Variants in UBE2F observed in about 807,000 individuals in gnomAD.
The protein encoded by UBE2F is NEDD8-conjugating enzyme UBE2F.
Under a neutral mutation model 29.6 loss-of-function variants are expected in UBE2F, and 5 were observed. The ratio of observed to expected loss-of-function variants is 0.17; its 90% CI spans 0.09 to 0.36. The LOEUF (loss-of-function observed/expected upper bound fraction) is 0.36, where lower values mean the gene tolerates loss of function less well. Among genes scored for constraint, UBE2F ranks in the 10% least tolerant of loss-of-function variants. The pLI, the probability that UBE2F is intolerant of heterozygous loss-of-function variation, is 1.00. For synonymous variants in UBE2F, 66 were observed against 81.8 expected, an observed-to-expected ratio of 0.81 and a Z score of 1.04; for missense variants, 141 against 228.5, an observed-to-expected ratio of 0.62 and a Z score of 2.47.
chr2:237,989,945 C>A (rs1471996674), intron 3 of UBE2F, among the ~76,000 whole-genome samples: 1 of 151,424 alleles, frequency 6.6e-6, no homozygotes, highest in East Asian at 2.0e-4. Flanking sequence ...ATGATGAAAC[C>A]CTGTCTCTAC....
chr2:237,996,535 C>T (rs1464599823), intron 4 of UBE2F, among the ~76,000 whole-genome samples: 5 of 150,598 alleles, frequency 3.3e-5, no homozygotes, highest in South Asian at 2.1e-4. Flanking sequence ...AGTGCAGTGA[C>T]GCAATCTCGG....
chr2:237,983,277 G>C (rs1397225038), intron 2 of UBE2F, among the ~76,000 whole-genome samples: 1 of 152,214 alleles, frequency 6.6e-6, no homozygotes, highest in African/African-American at 2.4e-5. Flanking sequence ...CCCACACTCA[G>C]CTCCGCTGAA....
Position 238,011,482 on chromosome 2 carries a change from C to T in UBE2F, c.215-5084C>T, listed in dbSNP as rs115576719. On this transcript the variant is annotated intron_variant, in intron 4 of 9. Coordinates refer to ENST00000272930, the MANE Select transcript of UBE2F (RefSeq NM_080678.3). ...CTCCCTTCCACTAGAATATACGCTT[C>T]ATAAGGGCGGGAATTATCTCTTGTT... Among the ~76,000 whole-genome samples the T allele has an allele frequency of 8.4e-3, 1,275 of 152,336 alleles. 6 individuals are homozygous for T. Among genetic ancestry groups the T allele is most frequent in the Non-Finnish European group, 0.013 (903 of 68,026 alleles).
chr2:238,012,826 A>T (rs2064069216), intron 4 of UBE2F, among the ~76,000 whole-genome samples: 1 of 152,146 alleles, frequency 6.6e-6, no homozygotes, highest in African/African-American at 2.4e-5. Context: ...GTTGGCTCTC[A>T]AAGGGGTAAT....
At position 237,982,495 on chromosome 2, in the gene UBE2F, A is replaced by G. The variant is rs2063400989; in HGVS notation, c.119-5468A>G. The stretch of plus-strand genomic sequence containing the variant: ...CACAGTCGCTTACCATGCCGTCTGG[A>G]CACATTTCTAAATTCCCGTAGGAAA... On this transcript the variant is annotated intron_variant, in intron 2 of 9. Coordinates refer to ENST00000272930, the MANE Select transcript of UBE2F (RefSeq NM_080678.3). The surrounding 1 kb of genome is among the most constrained non-coding windows in gnomAD (Gnocchi z 4.1). Among the ~76,000 whole-genome samples the G allele has an allele frequency of 6.6e-6, 1 of 152,102 alleles. No individual in the cohort carries two copies.
chr2:237,989,045 C>T (rs937819273), intron 3 of UBE2F, among the ~76,000 whole-genome samples: 2 of 152,184 alleles, frequency 1.3e-5, no homozygotes, highest in Admixed American at 6.5e-5. Context: ...TTCAAAAGAT[C>T]ATTAAAGCCT....
chr2:238,025,453 T>A, intron 6 of UBE2F, 41 bp downstream of exon 6: 1 of 1,554,092 alleles, frequency 6.4e-7, no homozygotes, highest in Non-Finnish European at 8.9e-7. Context: ...TTCGTGAGTG[T>A]CATGTGCAAG....
At chr2:238,039,220 A>C (rs2064787121) in intron 9 of UBE2F, among the ~76,000 whole-genome samples, 1 of 152,234 alleles carries the variant, frequency 6.6e-6, no homozygotes, top group South Asian at 2.1e-4. Context: ...GGGCAGCAAG[A>C]GCGAAACTCC....
At chr2:238,015,110 A>G (rs1258411237) in intron 4 of UBE2F, among the ~76,000 whole-genome samples, 2 of 152,244 alleles carry the variant, frequency 1.3e-5, no homozygotes, top group African/African-American at 4.8e-5. Flanking sequence ...CCATTAAATT[A>G]CTAGAAGAAA....
chr2:238,007,160 C>T (rs549474764), intron 4 of UBE2F, among the ~76,000 whole-genome samples: 36 of 152,052 alleles, frequency 2.4e-4, no homozygotes, highest in Admixed American at 1.3e-4. Context: ...CTTGCTCTAT[C>T]GCCAAGGCTG....
At chr2:238,038,095 C>A (rs2064758412) in intron 9 of UBE2F, among the ~76,000 whole-genome samples, 2 of 152,198 alleles carry the variant, frequency 1.3e-5, no homozygotes, top group Non-Finnish European at 2.9e-5. Flanking sequence ...AAAGAGTGGG[C>A]AGGAGCACCT....
chr2:238,030,852 A>G (rs1416007054), intron 7 of UBE2F, among the ~76,000 whole-genome samples: 3 of 152,206 alleles, frequency 2.0e-5, no homozygotes, highest in Non-Finnish European at 4.4e-5. Flanking sequence ...AGAACCAGAG[A>G]TAGGAGCCCA....
chr2:238,014,262 G>A (rs2064106190), intron 4 of UBE2F, among the ~76,000 whole-genome samples: 1 of 152,310 alleles, frequency 6.6e-6, no homozygotes, highest in Non-Finnish European at 1.5e-5. Context: ...ATTTGGATCA[G>A]GTCTAAAAAC....
intron 2 of UBE2F, among the ~76,000 whole-genome samples, chr2:237,984,996 CAAAA>C (rs55984976): frequency 0.17 from 22,593 of 129,958 alleles, 3,145 homozygotes; most frequent in African/African-American, 0.39. Context: ...TGGAAAAAGG[CAAAA>C]AAAAAAAAAA....
At chr2:238,033,525 C>T (rs1262120074) in intron 8 of UBE2F, among the ~76,000 whole-genome samples, 2 of 152,160 alleles carry the variant, frequency 1.3e-5, no homozygotes, top group African/African-American at 4.8e-5. Context: ...TAGCTGTTGC[C>T]TACAGCAGAG....
intron 5 of UBE2F, among the ~76,000 whole-genome samples, chr2:238,019,523 C>A (rs184279340): frequency 6.6e-6 from 1 of 152,038 alleles, no homozygotes; most frequent in East Asian, 1.9e-4. Context: ...TGTACCACCA[C>A]GCCCAGCTAA....
At chr2:238,033,989 G>A (rs781588740) in intron 8 of UBE2F, among the ~76,000 whole-genome samples, 6 of 152,130 alleles carry the variant, frequency 3.9e-5, no homozygotes, top group Non-Finnish European at 5.9e-5. Flanking sequence ...CCCATATGCC[G>A]TCATTGTCAT....
At chr2:237,978,772 G>T (rs945455574) in intron 2 of UBE2F, among the ~76,000 whole-genome samples, 2 of 152,158 alleles carry the variant, frequency 1.3e-5, no homozygotes, top group African/African-American at 4.8e-5. Context: ...CATTTGAGCT[G>T]GCCCTGACTT....
chr2:238,032,302 C>G (rs748598633), intron 8 of UBE2F, 48 bp downstream of exon 8: 5 of 1,516,438 alleles, frequency 3.3e-6, no homozygotes, highest in Non-Finnish European at 3.7e-6. Flanking sequence ...TTCCTTGTTG[C>G]TGGTTTTAGA....
Sources: allele counts gnomAD v4.1 joint callset (sites outside exome capture counted in the v4.1 genomes callset), GRCh38; gene constraint gnomAD v4.1.1; non-coding constraint Gnocchi (gnomAD v3.1); transcripts MANE v1.5; gene names NCBI Gene and HGNC (gene_info 2026-07-23, HGNC 2026-07-21).